The following C12orf42 variants were observed in gnomAD, a reference collection of about 807,000 sequenced individuals.
The protein encoded by C12orf42 is chromosome 12 open reading frame 42, also known as uncharacterized protein C12orf42.
In C12orf42, 25 loss-of-function variants were observed where a neutral mutation model predicts 21.6. That is an observed-to-expected ratio of 1.16 (90% CI 0.84 to 1.62). The LOEUF (loss-of-function observed/expected upper bound fraction) is 1.62, where lower values mean the gene tolerates loss of function less well. Among genes scored for constraint, C12orf42 ranks in the 40% most tolerant of loss-of-function variants. The pLI is 0.00. For synonymous variants in C12orf42, 174 were observed against 175.0 expected (o/e 0.99, Z 0.05); for missense variants, 483 against 459.3 (o/e 1.05, Z -0.47).
At chr12:103,373,016 T>G (rs991711695) in intron 3 of C12orf42, among the ~76,000 whole-genome samples, 4 of 152,288 alleles carry the variant, frequency 2.6e-5, no homozygotes, top group East Asian at 1.9e-4. Context: ...TTTTGCTTCT[T>G]AAAACACCTT....
chr12:103,311,921 G>A (rs912545626), intron 4 of C12orf42, among the ~76,000 whole-genome samples: 1 of 152,126 alleles, frequency 6.6e-6, no homozygotes, highest in Non-Finnish European at 1.5e-5. Context: ...AGAGATTTCA[G>A]GTGCTATTAT....
intron 4 of C12orf42, among the ~76,000 whole-genome samples, chr12:103,286,550 T>C (rs1180472041): frequency 6.6e-6 from 1 of 151,392 alleles, no homozygotes; most frequent in Admixed American, 6.6e-5. Context: ...GCCTAGCACA[T>C]AGTAAATAAT....
the C12orf42 span, among the ~76,000 whole-genome samples, chr12:103,515,135 T>C: frequency 6.6e-6 from 1 of 152,226 alleles, no homozygotes; most frequent in East Asian, 1.9e-4. Flanking sequence ...ACCCCTATAT[T>C]AATGTAAATA....
At chr12:103,098,487 G>T in the C12orf42 span, among the ~76,000 whole-genome samples, 12 of 152,102 alleles carry the variant, frequency 7.9e-5, no homozygotes, top group Admixed American at 7.9e-4. Flanking sequence ...TATATTATTG[G>T]TTTTTCTTAT....
the C12orf42 span, chr12:103,558,696 T>A: frequency 3.3e-5 from 5 of 152,238 alleles, no homozygotes; most frequent in Non-Finnish European, 7.3e-5. Context: ...ACTCAGTCCC[T>A]ATTATCCCTA....
chr12:103,225,994 G>T, the C12orf42 span, among the ~76,000 whole-genome samples: 1 of 152,224 alleles, frequency 6.6e-6, no homozygotes, highest in Non-Finnish European at 1.5e-5. Flanking sequence ...AGAGCCTTGG[G>T]ACAGAGTTCC....
At chr12:103,227,276 G>T in the C12orf42 span, among the ~76,000 whole-genome samples, 1 of 151,972 alleles carries the variant, frequency 6.6e-6, no homozygotes. Flanking sequence ...AGAGGTCGGG[G>T]CGTGGAAATA....
the C12orf42 span, among the ~76,000 whole-genome samples, chr12:103,177,911 C>A: frequency 3.9e-5 from 6 of 151,934 alleles, no homozygotes; most frequent in Admixed American, 3.9e-4. Context: ...CTTAGCCTCA[C>A]GACAACATGT....
chr12:103,314,278 T>G (rs1287852724), intron 4 of C12orf42, among the ~76,000 whole-genome samples: 1 of 151,896 alleles, frequency 6.6e-6, no homozygotes, highest in Non-Finnish European at 1.5e-5. Flanking sequence ...CAACATGCAA[T>G]AGAAAGCAAC....
the C12orf42 span, among the ~76,000 whole-genome samples, chr12:103,088,670 C>CA: frequency 6.6e-6 from 1 of 152,138 alleles, no homozygotes; most frequent in Non-Finnish European, 1.5e-5. Flanking sequence ...GATATTAAAG[C>CA]AATGATAAAG....
At chr12:103,181,908 T>G in the C12orf42 span, among the ~76,000 whole-genome samples, 1 of 152,204 alleles carries the variant, frequency 6.6e-6, no homozygotes, top group Non-Finnish European at 1.5e-5. Context: ...AAGCTTATAT[T>G]GTATTTCCCT....
chr12:103,217,991 G>A, the C12orf42 span, among the ~76,000 whole-genome samples: 5 of 152,100 alleles, frequency 3.3e-5, no homozygotes, highest in Admixed American at 6.5e-5. Context: ...TTATAGAAAC[G>A]AAATCCTCGG....
chr12:103,173,713 C>T, the C12orf42 span, among the ~76,000 whole-genome samples: 1 of 152,106 alleles, frequency 6.6e-6, no homozygotes, highest in Admixed American at 6.6e-5. Flanking sequence ...GTGATTCTTT[C>T]CTTTGGTGGA....
At chr12:103,510,341 A>G in the C12orf42 span, among the ~76,000 whole-genome samples, 1 of 152,174 alleles carries the variant, frequency 6.6e-6, no homozygotes, top group African/African-American at 2.4e-5. Flanking sequence ...GATACAATGG[A>G]CTTTGGGGAT....
At chr12:103,137,766 C>T in the C12orf42 span, among the ~76,000 whole-genome samples, 92 of 151,942 alleles carry the variant, frequency 6.1e-4, no homozygotes, top group African/African-American at 1.8e-3. Context: ...AAATAAGCCA[C>T]GCAGAGAAAG....
chr12:103,224,543 T>C, the C12orf42 span, among the ~76,000 whole-genome samples: 1 of 152,162 alleles, frequency 6.6e-6, no homozygotes, highest in Non-Finnish European at 1.5e-5. Flanking sequence ...AGGTGTGGTA[T>C]CAGGAATAAT....
intron 2 of C12orf42, among the ~76,000 whole-genome samples, chr12:103,407,950 C>T (rs964249412): frequency 1.3e-5 from 2 of 152,178 alleles, no homozygotes; most frequent in African/African-American, 4.8e-5. Flanking sequence ...AAAGCCACAG[C>T]TAGCCCTATG....
intron 4 of C12orf42, chr12:103,349,384 A>G (rs1244021016): frequency 6.6e-6 from 1 of 152,170 alleles, no homozygotes; most frequent in African/African-American, 2.4e-5. Flanking sequence ...AAGATGAGGA[A>G]CCTAGGAAAT....
chr12:103,184,998 A>G, the C12orf42 span, among the ~76,000 whole-genome samples: 2,904 of 152,148 alleles, frequency 0.019, 35 homozygotes, highest in East Asian at 0.028. Flanking sequence ...TTGATCTTAG[A>G]TTTTCACCTT....
Sources: gnomAD v4.1 joint callset for allele counts (sites outside exome capture counted in the v4.1 genomes callset) on GRCh38, gnomAD v4.1.1 for gene constraint, MANE v1.5 for transcripts, NCBI Gene and HGNC (gene_info 2026-07-23, HGNC 2026-07-21) for gene names.